Variants in SLC24A3 observed in about 807,000 individuals in gnomAD.
The protein encoded by SLC24A3 is solute carrier family 24 member 3.
SLC24A3 carries 28 observed loss-of-function variants against 75.8 expected under a neutral mutation model. That is an observed-to-expected ratio of 0.37 (90% CI 0.27 to 0.51). SLC24A3 has a LOEUF of 0.51. SLC24A3 is among the 20% of genes least tolerant of loss of function. The pLI is 0.94. For missense variants in SLC24A3, 663 were observed against 847.8 expected, an observed-to-expected ratio of 0.78 and a Z score of 2.71; for synonymous variants, 372 against 334.1, an observed-to-expected ratio of 1.11 and a Z score of -1.24.
intron 12 of SLC24A3, among the ~76,000 whole-genome samples, chr20:19,686,646 T>A (rs2032679175): frequency 6.6e-6 from 1 of 152,194 alleles, no homozygotes; most frequent in African/African-American, 2.4e-5. Context: ...GAGTCCTGTG[T>A]TAATTTTGGA....
In SLC24A3 at chr20:19,682,037, G is replaced by C. The variant is rs1568696516; in HGVS notation, c.901+46G>C. 5 of 1,599,602 alleles carry C rather than the reference G, an allele frequency of 3.1e-6. No homozygotes were observed. The Admixed American group carries it at 5.0e-5, about 16-fold the overall frequency. ...GGGGTCCAAGGCAGGAGGATCAATT[G>C]AGGCCAGGAGTTCAAGACCAGCCTG... is the stretch of plus-strand genomic sequence containing the variant. On this transcript the variant is annotated intron_variant, in intron 10 of 16. Transcript: ENST00000328041.
chr20:19,376,612 T>C (rs922859096), intron 2 of SLC24A3, among the ~76,000 whole-genome samples: 1 of 151,054 alleles, frequency 6.6e-6, no homozygotes, highest in African/African-American at 2.4e-5. Flanking sequence ...CCAAGTTTTC[T>C]GAAAGGTCAT....
intron 2 of SLC24A3, among the ~76,000 whole-genome samples, chr20:19,355,429 C>G (rs761252606): frequency 6.6e-6 from 1 of 152,220 alleles, no homozygotes; most frequent in Non-Finnish European, 1.5e-5. Context: ...TCAACATTCT[C>G]CATCTGCTAA....
intron 1 of SLC24A3, among the ~76,000 whole-genome samples, chr20:19,262,419 A>G (rs1402628358): frequency 3.3e-5 from 5 of 151,486 alleles, no homozygotes; most frequent in East Asian, 3.9e-4. Context: ...AAAAAAAAAA[A>G]AAAAAAAGAA....
At chr20:19,512,699 A>C (rs1173608634) in intron 2 of SLC24A3, among the ~76,000 whole-genome samples, 1 of 152,232 alleles carries the variant, frequency 6.6e-6, no homozygotes, top group Admixed American at 6.5e-5. Context: ...AGGCAAGAGA[A>C]TAGAGCTGGG....
At chr20:19,424,086 T>C (rs1273809440) in intron 2 of SLC24A3, among the ~76,000 whole-genome samples, 1 of 152,004 alleles carries the variant, frequency 6.6e-6, no homozygotes, top group African/African-American at 2.4e-5. Flanking sequence ...CTAGAAACAG[T>C]AGACAAGTGG....
intron 1 of SLC24A3, among the ~76,000 whole-genome samples, chr20:19,238,432 G>T (rs1434865404): frequency 6.6e-6 from 1 of 152,174 alleles, no homozygotes; most frequent in Non-Finnish European, 1.5e-5. Context: ...TCTTGTTCAT[G>T]CCTTTCCGCC....
chr20:19,273,537 G>T (rs1193915453), intron 1 of SLC24A3, among the ~76,000 whole-genome samples: 1 of 152,192 alleles, frequency 6.6e-6, no homozygotes, highest in Non-Finnish European at 1.5e-5. Context: ...AGGCTCTGCA[G>T]TCTCCCTTTG....
intron 2 of SLC24A3, among the ~76,000 whole-genome samples, chr20:19,358,699 C>T (rs1356109350): frequency 6.6e-6 from 1 of 152,196 alleles, no homozygotes; most frequent in Non-Finnish European, 1.5e-5. Context: ...TTAGTACATT[C>T]ACGTTGCTGT....
intron 2 of SLC24A3, among the ~76,000 whole-genome samples, chr20:19,339,414 A>G (rs1985218484): frequency 6.6e-6 from 1 of 152,202 alleles, no homozygotes; most frequent in Non-Finnish European, 1.5e-5. Context: ...CAGTCTATAT[A>G]ACCATTTGTA....
intron 1 of SLC24A3, among the ~76,000 whole-genome samples, chr20:19,219,869 C>T (rs1305124851): frequency 6.6e-6 from 1 of 152,210 alleles, no homozygotes; most frequent in Non-Finnish European, 1.5e-5. Context: ...TTCTGGTTCA[C>T]TTCAGAGGAG....
chr20:19,587,962 T>C (rs1447743854), intron 6 of SLC24A3, among the ~76,000 whole-genome samples: 1 of 152,190 alleles, frequency 6.6e-6, no homozygotes, highest in Non-Finnish European at 1.5e-5. Flanking sequence ...GACCAACTCA[T>C]TGATGGAACT....
chr20:19,616,733 C>CCACT (rs1226610823), intron 6 of SLC24A3, among the ~76,000 whole-genome samples: 1 of 152,080 alleles, frequency 6.6e-6, no homozygotes, highest in African/African-American at 2.4e-5. Flanking sequence ...CAATGATGAG[C>CCACT]CACTCCCTTA....
At chr20:19,390,248 C>T (rs1438077826) in intron 2 of SLC24A3, among the ~76,000 whole-genome samples, 5 of 152,076 alleles carry the variant, frequency 3.3e-5, no homozygotes, top group Admixed American at 1.3e-4. Flanking sequence ...TTTTTCATTT[C>T]GTTTCTTTGT....
Position 19,718,080 on chromosome 20 carries a change from C to T in SLC24A3, c.1785+487C>T, listed in dbSNP as rs561834991. Among the ~76,000 whole-genome samples, 11 of 152,356 alleles carry T rather than the reference C, an allele frequency of 7.2e-5. No individual in the cohort carries two copies. The East Asian group carries it at 9.6e-4, about 13-fold the overall frequency. Reference sequence around the variant, plus strand: ...TGTGTTTGGAACAAGTTCACACCAACGCATGGACTCATCCACATGAAGCAT... The same window carrying T: ...TGTGTTTGGAACAAGTTCACACCAATGCATGGACTCATCCACATGAAGCAT... On this transcript the variant is annotated intron_variant, in intron 16 of 16. Coordinates refer to ENST00000328041, the MANE Select transcript of SLC24A3 (RefSeq NM_020689.4).
intron 2 of SLC24A3, among the ~76,000 whole-genome samples, chr20:19,472,538 A>G (rs1447561409): frequency 6.6e-6 from 1 of 152,130 alleles, no homozygotes; most frequent in Non-Finnish European, 1.5e-5. Flanking sequence ...CAAGTGTGTT[A>G]CTTCCCTCCT....
chr20:19,244,656 C>T (rs1430817266), intron 1 of SLC24A3, among the ~76,000 whole-genome samples: 6 of 152,072 alleles, frequency 3.9e-5, no homozygotes, highest in Non-Finnish European at 7.4e-5. Flanking sequence ...AGGGCAGAGG[C>T]GAGTCTTTGA....
At chr20:19,470,395 G>A (rs1987849802) in intron 2 of SLC24A3, among the ~76,000 whole-genome samples, 1 of 152,096 alleles carries the variant, frequency 6.6e-6, no homozygotes, top group Admixed American at 6.5e-5. Context: ...AAAGGGGGAG[G>A]GCTGAAACTG....
chr20:19,249,502 C>A (rs961893207), intron 1 of SLC24A3, among the ~76,000 whole-genome samples: 1 of 152,220 alleles, frequency 6.6e-6, no homozygotes, highest in South Asian at 2.1e-4. Flanking sequence ...CGGTCAGCTG[C>A]TTCTTCTCTA....
Sources: allele counts gnomAD v4.1 joint callset (sites outside exome capture counted in the v4.1 genomes callset), GRCh38; gene constraint gnomAD v4.1.1; transcripts MANE v1.5; gene names NCBI Gene and HGNC (gene_info 2026-07-23, HGNC 2026-07-21).